The following ANKFY1 variants were observed in gnomAD, a reference collection of about 807,000 sequenced individuals.
The protein encoded by ANKFY1 is ankyrin repeat and FYVE domain containing 1.
ANKFY1 carries 47 observed loss-of-function variants against 128.3 expected under a neutral mutation model. The observed-to-expected ratio is 0.37, with a 90% CI of 0.29 to 0.47. The LOEUF (loss-of-function observed/expected upper bound fraction) is 0.47, where lower values mean the gene tolerates loss of function less well. Among genes scored for constraint, ANKFY1 ranks in the 20% least tolerant of loss-of-function variants. The pLI is 1.00. For missense variants in ANKFY1, 1,222 were observed against 1,510.6 expected (o/e 0.81, Z 3.17); for synonymous variants, 553 against 601.6 (o/e 0.92, Z 1.18).
Position 4,184,954 on chromosome 17 carries a change from C to G in ANKFY1, c.1563G>C (p.Thr521=), listed in dbSNP as rs199761953. The part of the protein sequence containing the change: ...LQQGANPNLQ[T]EEALPLPKEA... ...CCTTTGGCAGAGGCAGAGCTTCCTC[C>G]GTCTGCAGGTTTGGGTTGGCGCCTT... is the stretch of plus-strand genomic sequence containing the variant. Residue 521 remains threonine (T), a synonymous_variant, in exon 12 of 25, where the codon ACG becomes ACC. Transcript: ENST00000341657. The G allele has an allele frequency of 6.2e-7, 1 of 1,614,050 alleles. No individual in the cohort carries two copies. Among genetic ancestry groups the G allele is most frequent in the Non-Finnish European group, 8.5e-7 (1 of 1,180,032 alleles).
At chr17:4,222,844 A>T in intron 3 of ANKFY1, 1 of 960,300 alleles carries the variant, frequency 1.0e-6, no homozygotes, top group Non-Finnish European at 1.7e-6. Context: ...GGGTTGTCTC[A>T]GCCATCCACC....
At chr17:4,263,248 C>T (rs891710539) in intron 1 of ANKFY1, among the ~76,000 whole-genome samples, 1 of 152,186 alleles carries the variant, frequency 6.6e-6, no homozygotes, top group Non-Finnish European at 1.5e-5. Context: ...GAAAAGTGCA[C>T]GAGACCAGAG....
chr17:4,205,419 T>C lies in ANKFY1; in HGVS notation c.898+902A>G, dbSNP rs989456965. Among the ~76,000 whole-genome samples, 6 of 152,228 alleles carry C rather than the reference T, an allele frequency of 3.9e-5. No individual in the cohort carries two copies. The South Asian group carries it at 6.2e-4, about 16-fold the overall frequency. On this transcript the variant is annotated intron_variant, in intron 7 of 24. Transcript: ENST00000341657. ...AAACAAACAAAAACCTAGTATTTTT[T>C]TTTTCCTTTGACAAGTTAATTCATT...
chr17:4,194,911 C>G (rs945039800), intron 10 of ANKFY1, 67 bp downstream of exon 10: 2 of 1,497,774 alleles, frequency 1.3e-6, no homozygotes, highest in Admixed American at 1.8e-5. Flanking sequence ...GGGGTGAAGG[C>G]ATTTACATGC....
chr17:4,223,244 A>G (rs2060358427), intron 3 of ANKFY1: 1 of 815,944 alleles, frequency 1.2e-6, no homozygotes, highest in Non-Finnish European at 2.2e-6. Context: ...AGAAAAGCCC[A>G]TGGTGACACT....
chr17:4,237,523 TTA>T (rs1425545753), intron 2 of ANKFY1, among the ~76,000 whole-genome samples: 1 of 152,158 alleles, frequency 6.6e-6, no homozygotes, highest in African/African-American at 2.4e-5. Flanking sequence ...TTATAAAGTA[TTA>T]CATCCTAATA....
chr17:4,255,243 C>CTTTTTT (rs1177087196), intron 1 of ANKFY1, among the ~76,000 whole-genome samples: 4 of 119,896 alleles, frequency 3.3e-5, no homozygotes, highest in African/African-American at 1.3e-4. Context: ...TCATGTAATT[C>CTTTTTT]TTTTTTTTTT....
At chr17:4,214,689 C>T (rs528246177) in intron 4 of ANKFY1, among the ~76,000 whole-genome samples, 1 of 152,114 alleles carries the variant, frequency 6.6e-6, no homozygotes, top group Admixed American at 6.5e-5. Context: ...CCACGCCTGG[C>T]TAATTTTTTT....
chr17:4,202,981 C>CATATATATATATATAT (rs56774221), intron 7 of ANKFY1, among the ~76,000 whole-genome samples: 52 of 146,300 alleles, frequency 3.6e-4, no homozygotes, highest in African/African-American at 1.1e-3. Context: ...TAATCATACA[C>CATATATATATATATAT]ATATATATAT....
rs780510222 is a variant in ANKFY1, at chr17:4,170,879, G to A, written c.3140-18C>T. 1.1e-5 allele frequency: 18 copies of A among 1,613,964 alleles called. No homozygotes were observed. The highest frequency in any genetic ancestry group is 1.4e-5 in the Non-Finnish European group (16 of 1,180,022). On this transcript the variant is annotated intron_variant, in intron 22 of 24. Coordinates refer to ENST00000341657, the MANE Select transcript of ANKFY1 (RefSeq NM_001330063.2). ...GAGCAGCACTGGAAAACAAAAGCAC[G>A]CGCAGGGCTACTTCCCACCCGGCCC...
intron 1 of ANKFY1, among the ~76,000 whole-genome samples, chr17:4,246,520 C>A (rs1014600203): frequency 3.9e-5 from 6 of 152,182 alleles, no homozygotes; most frequent in Non-Finnish European, 8.8e-5. Context: ...ATAGTATATA[C>A]CACATCTTGC....
At chr17:4,247,630 T>C (rs1367556859) in intron 1 of ANKFY1, among the ~76,000 whole-genome samples, 2 of 152,200 alleles carry the variant, frequency 1.3e-5, no homozygotes, top group Non-Finnish European at 2.9e-5. Flanking sequence ...GAATACTGTC[T>C]GCTTACAAAC....
chr17:4,251,354 A>G (rs1967816447), intron 1 of ANKFY1, among the ~76,000 whole-genome samples: 1 of 152,138 alleles, frequency 6.6e-6, no homozygotes, highest in South Asian at 2.1e-4. Flanking sequence ...AGGAAGGATC[A>G]CTTGAGCTCA....
At chr17:4,215,213 G>A (rs1057129973) in intron 4 of ANKFY1, among the ~76,000 whole-genome samples, 37 of 151,544 alleles carry the variant, frequency 2.4e-4, no homozygotes, top group African/African-American at 7.8e-4. Context: ...CGCTTGAATC[G>A]GGAGGCGGAG....
chr17:4,263,770 C>G, intron 1 of ANKFY1, 162 bp downstream of exon 1: 1 of 1,554,106 alleles, frequency 6.4e-7, no homozygotes, highest in Admixed American at 2.0e-5. Context: ...GCTCCGGACC[C>G]CGGCCCGAGA....
rs3816480 is a variant in ANKFY1 at position 4,173,320 on chromosome 17, C to A, written c.3014+34G>T. The A allele has an allele frequency of 1.9e-5, 31 of 1,600,622 alleles. No individual in the cohort carries two copies. The East Asian group carries it at 6.9e-4, about 36-fold the overall frequency. On this transcript the variant is annotated intron_variant, in intron 21 of 24. Coordinates refer to ENST00000341657, the MANE Select transcript of ANKFY1 (RefSeq NM_001330063.2). ...CAGCAGCTCTGAGCAGCAGGCCAGG[C>A]GCCGCGGGGCCTACTCGGGCCCAAC... is the stretch of plus-strand genomic sequence containing the variant.
At chr17:4,238,522 G>A (rs1292309272) in intron 2 of ANKFY1, among the ~76,000 whole-genome samples, 1 of 151,524 alleles carries the variant, frequency 6.6e-6, no homozygotes, top group East Asian at 1.9e-4. Flanking sequence ...TGCCCAGGCT[G>A]GAGTACAGTG....
At chr17:4,193,204 T>A (rs1324035000) in intron 10 of ANKFY1, among the ~76,000 whole-genome samples, 4 of 144,054 alleles carry the variant, frequency 2.8e-5, no homozygotes, top group Non-Finnish European at 5.9e-5. Context: ...TTCAAACACA[T>A]GTCAGACTTT....
chr17:4,193,004 T>C (rs1488674297), intron 10 of ANKFY1, among the ~76,000 whole-genome samples: 2 of 152,060 alleles, frequency 1.3e-5, no homozygotes, highest in Admixed American at 6.5e-5. Flanking sequence ...AATATAAAAT[T>C]GACAGAACCA....
Sources: allele counts gnomAD v4.1 joint callset (sites outside exome capture counted in the v4.1 genomes callset), GRCh38; gene constraint gnomAD v4.1.1; transcripts MANE v1.5; gene names NCBI Gene and HGNC (gene_info 2026-07-23, HGNC 2026-07-21).